C10orf90: variants seen among roughly 807,000 people sequenced by gnomAD.
C10orf90 encodes the protein (E2-independent) E3 ubiquitin-conjugating enzyme FATS.
C10orf90 carries 56 observed loss-of-function variants against 62.5 expected under a neutral mutation model. The ratio of observed to expected loss-of-function variants is 0.90; its 90% confidence interval spans 0.72 to 1.12. The LOEUF (loss-of-function observed/expected upper bound fraction) is 1.12. Among genes scored for constraint, C10orf90 ranks in the 50% most tolerant of loss-of-function variants. C10orf90 has a pLI of 0.00. For missense variants in C10orf90, 970 were observed against 880.4 expected (o/e 1.10, Z -1.29); for synonymous variants, 386 against 340.4 (o/e 1.13, Z -1.47).
intron 2 of C10orf90, among the ~76,000 whole-genome samples, chr10:126,640,823 G>A (rs1305752963): frequency 6.6e-6 from 1 of 152,214 alleles, no homozygotes; most frequent in Non-Finnish European, 1.5e-5. Flanking sequence ...AGGGGGAAAG[G>A]CACTAAATGC....
intron 4 of C10orf90, among the ~76,000 whole-genome samples, chr10:126,482,248 G>A (rs990933512): frequency 6.6e-6 from 1 of 152,190 alleles, no homozygotes; most frequent in Admixed American, 6.5e-5. Flanking sequence ...ACTCTTATGA[G>A]GGGGAGGGGA....
chr10:126,487,142 C>CAA (rs1158481155), intron 4 of C10orf90, among the ~76,000 whole-genome samples: 2,361 of 29,422 alleles, frequency 0.08, 127 homozygotes, highest in Middle Eastern at 0.12. Flanking sequence ...AAAACTCTGT[C>CAA]AAAAAAAAAA....
chr10:126,591,049 T>C (rs1844968516), intron 2 of C10orf90, among the ~76,000 whole-genome samples: 7 of 152,046 alleles, frequency 4.6e-5, no homozygotes, highest in Admixed American at 4.6e-4. Context: ...AAAGCAGTAA[T>C]CAATAGGCTA....
intron 2 of C10orf90, among the ~76,000 whole-genome samples, chr10:126,541,615 A>T (rs1164196609): frequency 6.6e-6 from 1 of 152,222 alleles, no homozygotes; most frequent in African/African-American, 2.4e-5. Context: ...ATTATTAGTC[A>T]TTAGAGAATG....
At chr10:126,496,858 C>T (rs745353391) in intron 4 of C10orf90, among the ~76,000 whole-genome samples, 8 of 152,348 alleles carry the variant, frequency 5.3e-5, no homozygotes, top group South Asian at 2.1e-4. Flanking sequence ...CTCTGTGAGC[C>T]ATTGCTCCCT....
intron 8 of C10orf90, among the ~76,000 whole-genome samples, chr10:126,429,116 G>T (rs1857426066): frequency 6.6e-6 from 1 of 152,070 alleles, no homozygotes; most frequent in African/African-American, 2.4e-5. Flanking sequence ...CATTTTACTT[G>T]CATGAACTTG....
intron 4 of C10orf90, among the ~76,000 whole-genome samples, chr10:126,492,824 G>A (rs1861836289): frequency 6.6e-6 from 1 of 152,132 alleles, no homozygotes; most frequent in African/African-American, 2.4e-5. Flanking sequence ...AGTGCAACTT[G>A]GAGTGTTATT....
chr10:126,471,818 G>T (rs905968937), intron 4 of C10orf90, among the ~76,000 whole-genome samples: 5 of 152,094 alleles, frequency 3.3e-5, no homozygotes, highest in Admixed American at 3.3e-4. Flanking sequence ...TTATTATTCT[G>T]TTATTAGCTA....
intron 1 of C10orf90, among the ~76,000 whole-genome samples, chr10:126,647,560 C>T (rs1591172586): frequency 6.6e-6 from 1 of 152,226 alleles, no homozygotes; most frequent in Non-Finnish European, 1.5e-5. Flanking sequence ...GGCTTCCCCC[C>T]GATCCCATAG....
intron 2 of C10orf90, among the ~76,000 whole-genome samples, chr10:126,640,561 C>T (rs998387054): frequency 1.3e-5 from 2 of 152,236 alleles, no homozygotes; most frequent in Admixed American, 6.5e-5. Context: ...AAGGATAAGT[C>T]AGCAAGGTCA....
At chr10:126,531,536 A>C (rs1457414867) in intron 2 of C10orf90, among the ~76,000 whole-genome samples, 1 of 152,224 alleles carries the variant, frequency 6.6e-6, no homozygotes, top group Non-Finnish European at 1.5e-5. Flanking sequence ...TATCCCAACC[A>C]AGTAGAGTTT....
intron 3 of C10orf90, among the ~76,000 whole-genome samples, chr10:126,511,244 C>T (rs1863089704): frequency 6.6e-6 from 1 of 152,210 alleles, no homozygotes; most frequent in South Asian, 2.1e-4. Context: ...GAGCTTTTCT[C>T]ACTCTCCATC....
chr10:126,670,595 G>T lies in C10orf90; in HGVS notation c.-115C>A, dbSNP rs562910577. On this transcript the variant is annotated 5_prime_UTR_variant, in exon 1 of 10. Coordinates refer to ENST00000488181, the MANE Select transcript of C10orf90 (RefSeq NM_001350921.2). The stretch of plus-strand genomic sequence containing the variant: ...TTGGGCAGTGCCCCAGCTCGGACCT[G>T]TCCCAGTGTTTTCCAACTCCAGAGC... 1.9e-5 allele frequency: 7 copies of T among 367,880 alleles called. No homozygotes were observed. The East Asian group carries it at 5.2e-4, about 27-fold the overall frequency. 22.8% of individuals were successfully genotyped at this position (367,880 alleles called of 1,614,324 possible).
At chr10:126,520,394 G>C (rs1396871946) in intron 2 of C10orf90, 1 of 152,090 alleles carries the variant, frequency 6.6e-6, no homozygotes, top group East Asian at 1.9e-4. Flanking sequence ...ACACATGTAG[G>C]GGGACCCTGG....
In C10orf90 at chr10:126,518,261, A is replaced by G. The variant is rs1044653653; in HGVS notation, c.314-4322T>C. On this transcript the variant is annotated intron_variant, in intron 2 of 9. Coordinates refer to ENST00000488181, the MANE Select transcript of C10orf90 (RefSeq NM_001350921.2). ...GGAAATTCACATTCTTGTGTCTCAC[A>G]TACTGACCTGCAGACCTAGCAAATG... Among the ~76,000 whole-genome samples the G allele has an allele frequency of 2.0e-5, 3 of 152,188 alleles. No homozygotes were observed. The South Asian group carries it at 6.2e-4, about 32-fold the overall frequency.
intron 2 of C10orf90, among the ~76,000 whole-genome samples, chr10:126,579,074 A>ATT (rs1564880110): frequency 1.2e-4 from 17 of 139,664 alleles, no homozygotes; most frequent in Admixed American, 7.8e-4. Flanking sequence ...TTTTTTTTAA[A>ATT]AAAAAAAACC....
chr10:126,504,146 G>T lies in C10orf90; in HGVS notation c.1345C>A (p.Arg449=). ...CAAGCGCCGGTCCCCAAATGCACCC[G>T]CCTCAACGATGGGGTTTCCTTCAAG... ...SHLKETPSLR[R]VHLGTGACPW... Residue 449 remains arginine (R), a synonymous_variant, in exon 4 of 10, where the codon CGG becomes AGG. Coordinates refer to ENST00000488181, the MANE Select transcript of C10orf90 (RefSeq NM_001350921.2). The surrounding 1 kb of genome is among the most constrained non-coding windows in gnomAD (Gnocchi z 4.1). 1 of 1,614,158 alleles carries T rather than the reference G, an allele frequency of 6.2e-7. No homozygotes were observed. The highest frequency in any genetic ancestry group is 8.5e-7 in the Non-Finnish European group (1 of 1,180,040).
intron 2 of C10orf90, among the ~76,000 whole-genome samples, chr10:126,579,213 G>A (rs1844692274): frequency 6.6e-6 from 1 of 151,696 alleles, no homozygotes; most frequent in Non-Finnish European, 1.5e-5. Context: ...ACATACAGGT[G>A]CTTCAGCAAG....
chr10:126,509,021 G>A (rs1862936144), intron 3 of C10orf90, among the ~76,000 whole-genome samples: 2 of 152,198 alleles, frequency 1.3e-5, no homozygotes, highest in African/African-American at 2.4e-5. Context: ...ATGCCCCCAG[G>A]CTGTGCTGAG....
Sources: allele counts gnomAD v4.1 joint callset (sites outside exome capture counted in the v4.1 genomes callset), GRCh38; gene constraint gnomAD v4.1.1; non-coding constraint Gnocchi (gnomAD v3.1); transcripts MANE v1.5; gene names NCBI Gene and HGNC (gene_info 2026-07-23, HGNC 2026-07-21).